The following NRG4 variants were observed in gnomAD, a reference collection of about 807,000 sequenced individuals.
NRG4 encodes the protein neuregulin 4.
In NRG4, 10 loss-of-function variants were observed where a neutral mutation model predicts 15.0. The ratio of observed to expected loss-of-function variants is 0.67; its 90% confidence interval spans 0.41 to 1.13. The LOEUF (loss-of-function observed/expected upper bound fraction) is 1.13, where lower values mean the gene tolerates loss of function less well. Ranked by LOEUF, NRG4 falls within the 50% of genes most tolerant of loss-of-function variation. The probability of loss-of-function intolerance (pLI) is 0.00; values close to 1 mark genes in which losing one functional copy is unlikely to be tolerated. For synonymous variants in NRG4, 41 were observed against 50.1 expected, an observed-to-expected ratio of 0.82 and a Z score of 0.77; for missense variants, 139 against 140.2, an observed-to-expected ratio of 0.99 and a Z score of 0.04.
chr15:76,030,344 C>T (rs2035442268), intron 5 of NRG4, among the ~76,000 whole-genome samples: 1 of 152,128 alleles, frequency 6.6e-6, no homozygotes, highest in Non-Finnish European at 1.5e-5. Flanking sequence ...TACTACAAAA[C>T]TGTAGTAACC....
At chr15:76,057,316 A>G (rs1293051032) in intron 1 of NRG4, 1 of 152,106 alleles carries the variant, frequency 6.6e-6, no homozygotes, top group East Asian at 1.9e-4. Flanking sequence ...TAATCAGCTG[A>G]ATTTATGACT....
At chr15:76,047,802 A>T (rs1383169753) in intron 4 of NRG4, among the ~76,000 whole-genome samples, 1 of 151,106 alleles carries the variant, frequency 6.6e-6, no homozygotes, top group Non-Finnish European at 1.5e-5. Context: ...AATAATAAAG[A>T]TTCACTTTAT....
chr15:75,968,841 G>A (rs1485161342), intron 3 of NRG4, among the ~76,000 whole-genome samples: 1 of 152,076 alleles, frequency 6.6e-6, no homozygotes, highest in Non-Finnish European at 1.5e-5. Flanking sequence ...ATTATTTTAT[G>A]ATACATATAG....
chr15:76,034,022 C>T (rs1206619059), intron 5 of NRG4, among the ~76,000 whole-genome samples: 1 of 152,228 alleles, frequency 6.6e-6, no homozygotes, highest in Admixed American at 6.5e-5. Context: ...CTTCTTCTCA[C>T]ACCTATGCAT....
At chr15:76,013,314 G>A (rs2034875975), upstream of NRG4, among the ~76,000 whole-genome samples, 1 of 151,546 alleles carries the variant, frequency 6.6e-6, no homozygotes, top group Non-Finnish European at 1.5e-5. Context: ...GCAACAGAGT[G>A]AGACTCCGTC....
In NRG4 at chr15:76,008,969, A is replaced by G. The variant is rs182804703; in HGVS notation, c.104+231T>C. Among the ~76,000 whole-genome samples, 889 of 152,350 alleles carry G rather than the reference A, an allele frequency of 5.8e-3. 7 individuals are homozygous for G. The highest frequency in any genetic ancestry group is 8.2e-3 in the Non-Finnish European group (556 of 68,020). On this transcript the variant is annotated intron_variant, in intron 3 of 5. Coordinates refer to ENST00000394907, the MANE Select transcript of NRG4 (RefSeq NM_138573.4). ...TATTTTTTAAAAATGTGTCTAGGCTAGGAACTACCATTAGCAATTTTCAGA... is the reference window on the plus strand; with the variant it reads ...TATTTTTTAAAAATGTGTCTAGGCTGGGAACTACCATTAGCAATTTTCAGA...
At chr15:76,048,215 T>TAATC (rs1392737804) in intron 4 of NRG4, among the ~76,000 whole-genome samples, 2 of 149,342 alleles carry the variant, frequency 1.3e-5, no homozygotes, top group East Asian at 1.9e-4. Flanking sequence ...CTCATGCCTA[T>TAATC]AATCCCAGCA....
At chr15:75,965,224 C>CA (rs963923993) in intron 3 of NRG4, among the ~76,000 whole-genome samples, 30 of 148,978 alleles carry the variant, frequency 2.0e-4, no homozygotes, top group Admixed American at 5.4e-4. Context: ...GACTCTGACT[C>CA]AAAAAAAAAT....
chr15:75,957,469 G>A (rs2032295809), intron 4 of NRG4, among the ~76,000 whole-genome samples: 1 of 152,204 alleles, frequency 6.6e-6, no homozygotes, highest in South Asian at 2.1e-4. Context: ...TGAGAAGTCA[G>A]CTGTTGGTTT....
At chr15:76,054,977 G>C (rs1367183618) in intron 2 of NRG4, among the ~76,000 whole-genome samples, 7 of 152,080 alleles carry the variant, frequency 4.6e-5, no homozygotes, top group Non-Finnish European at 1.0e-4. Context: ...TGTATTATTT[G>C]AATTCAATTA....
intron 5 of NRG4, chr15:75,950,503 T>A (rs1465935409): frequency 4.3e-6 from 1 of 234,312 alleles, no homozygotes; most frequent in Non-Finnish European, 9.6e-6. Flanking sequence ...AGGATTGGAG[T>A]CTGGATCATC....
At chr15:75,995,082 C>T (rs774405245) in intron 3 of NRG4, among the ~76,000 whole-genome samples, 7 of 151,710 alleles carry the variant, frequency 4.6e-5, no homozygotes, top group East Asian at 1.9e-4. Context: ...CAGCTACTCC[C>T]GAGGCTGAGG....
chr15:76,009,710 A>G (rs1382077257), intron 2 of NRG4, among the ~76,000 whole-genome samples: 1 of 152,206 alleles, frequency 6.6e-6, no homozygotes, highest in African/African-American at 2.4e-5. Context: ...AAATACATTA[A>G]TATCTGAAAT....
Position 76,051,081 on chromosome 15 carries a change from C to T in NRG4, c.-105+986G>A, listed in dbSNP as rs549541279. Among the ~76,000 whole-genome samples, 4 of 148,656 alleles carry T rather than the reference C, an allele frequency of 2.7e-5. No homozygotes were observed. The East Asian group carries it at 7.8e-4, about 29-fold the overall frequency. On this transcript the variant is annotated intron_variant, in intron 4 of 8. Transcript: ENST00000563910. ...AGTGCAGTGGCGGGATCTCGGCTCACTGCAAGCTCCGCCTGCCGGGTTCAC... is the reference window on the plus strand; with the variant it reads ...AGTGCAGTGGCGGGATCTCGGCTCATTGCAAGCTCCGCCTGCCGGGTTCAC...
chr15:75,943,711 G>C lies in NRG4; in HGVS notation c.332-57C>G. The C allele has an allele frequency of 4.6e-6, 5 of 1,092,330 alleles. No individual in the cohort carries two copies. The South Asian group carries it at 6.4e-5, about 14-fold the overall frequency. The allele number at this position is 1,092,330 out of a possible 1,614,324, so 67.7% of individuals were successfully genotyped here. On this transcript the variant is annotated intron_variant, in intron 5 of 5. Transcript: ENST00000394907. Reference sequence around the variant, plus strand: ...TCTCCATTGCAATGTTTCTTACTACGCACACCTATCTACATGTCTCTTATC... The same window carrying C: ...TCTCCATTGCAATGTTTCTTACTACCCACACCTATCTACATGTCTCTTATC...
intron 1 of NRG4, among the ~76,000 whole-genome samples, chr15:76,058,174 C>T (rs913219809): frequency 2.0e-5 from 3 of 152,198 alleles, no homozygotes; most frequent in Non-Finnish European, 4.4e-5. Flanking sequence ...AATGCTGTCA[C>T]TGACTGTCAG....
At chr15:76,032,647 C>T (rs997999052) in intron 5 of NRG4, among the ~76,000 whole-genome samples, 2 of 152,100 alleles carry the variant, frequency 1.3e-5, no homozygotes, top group Non-Finnish European at 1.5e-5. Flanking sequence ...CACATATTTT[C>T]CTTTGGTTGT....
rs922369706 is a variant in NRG4, at chr15:76,056,460, A to AAAAT, written c.-262+490_-262+493dup. ...ACAACAAGAGCGAAACTCCGTCTCA[A>AAAAT]AAATAAATAAATAAATAAATAAAAA... On this transcript the variant is annotated intron_variant, in intron 2 of 8. Transcript: ENST00000563910. Among the ~76,000 whole-genome samples, 194 of 152,024 alleles carry AAAAT rather than the reference A, an allele frequency of 1.3e-3. 1 individual carries two copies. Among genetic ancestry groups the AAAAT allele is most frequent in the African/African-American group, 4.0e-3 (167 of 41,534 alleles).
At chr15:76,048,985 A>G in intron 4 of NRG4, among the ~76,000 whole-genome samples, 1 of 150,608 alleles carries the variant, frequency 6.6e-6, no homozygotes, top group African/African-American at 2.5e-5. Flanking sequence ...GTGGAGGTGC[A>G]GTGAGCTGAG....
Sources: gnomAD v4.1 joint callset for allele counts (sites outside exome capture counted in the v4.1 genomes callset) on GRCh38, gnomAD v4.1.1 for gene constraint, MANE v1.5 for transcripts, NCBI Gene and HGNC (gene_info 2026-07-23, HGNC 2026-07-21) for gene names.